The following XPO4 variants were observed in gnomAD, a reference collection of about 807,000 sequenced individuals.
XPO4 encodes the protein exportin-4.
Under a neutral mutation model 143.0 loss-of-function variants are expected in XPO4, and 39 were observed. The ratio of observed to expected loss-of-function variants is 0.27; its 90% CI spans 0.21 to 0.36. The LOEUF (loss-of-function observed/expected upper bound fraction) is 0.36, where lower values mean the gene tolerates loss of function less well. XPO4 is among the 10% of genes least tolerant of loss of function. XPO4 has a pLI of 1.00. For missense variants in XPO4, 907 were observed against 1,348.0 expected, an observed-to-expected ratio of 0.67 and a Z score of 5.12; for synonymous variants, 439 against 474.0, an observed-to-expected ratio of 0.93 and a Z score of 0.96.
chr13:20,827,043 C>T lies in XPO4; in HGVS notation c.840+24G>A, dbSNP rs906340871. The T allele has an allele frequency of 5.9e-6, 9 of 1,514,342 alleles. No individual in the cohort carries two copies. In the Admixed American group the frequency reaches 1.3e-4, roughly 22 times the overall value. 93.8% of individuals were successfully genotyped at this position (1,514,342 alleles called of 1,614,324 possible). On this transcript the variant is annotated intron_variant, in intron 7 of 22. Transcript: ENST00000255305. Reference sequence around the variant, plus strand: ...TTCCTCTTTTCTATGGCTCTTGCTACCAGAGATGAAGACTAAAACTTACTG... The same window carrying T: ...TTCCTCTTTTCTATGGCTCTTGCTATCAGAGATGAAGACTAAAACTTACTG...
chr13:20,796,190 C>A lies in XPO4; in HGVS notation c.2683G>T (p.Gly895Trp). The A allele has an allele frequency of 6.2e-7, 1 of 1,613,004 alleles. No homozygotes were observed. Among genetic ancestry groups the A allele is most frequent in the Non-Finnish European group, 8.5e-7 (1 of 1,179,848 alleles). ...GCTGTAACATCTATTCTTTGCCGCCCTAAATTATTCTTAGAATACACTTGC... is the reference window on the plus strand; with the variant it reads ...GCTGTAACATCTATTCTTTGCCGCCATAAATTATTCTTAGAATACACTTGC... ...LLQVYSKNNL[G>W]RQRIDVTAEE... Residue 895 changes from glycine (G) to tryptophan (W), a missense_variant, in exon 18 of 23, where the codon GGG becomes TGG. Physicochemically the swap from Gly to Trp is radical, Grantham distance 184. Transcript: ENST00000255305.
At chr13:20,888,239 G>C (rs560337599) in intron 1 of XPO4, among the ~76,000 whole-genome samples, 6 of 151,132 alleles carry the variant, frequency 4.0e-5, no homozygotes, top group South Asian at 2.1e-4. Context: ...ATGGAAGAGA[G>C]AGGCAATAAC....
rs1187753585 is a variant in XPO4, at chr13:20,780,873, A to T, written c.*2849T>A. On this transcript the variant is annotated 3_prime_UTR_variant, in exon 23 of 23. Coordinates refer to ENST00000255305, the MANE Select transcript of XPO4 (RefSeq NM_022459.5). ...AGCACAAGGACTATAAAAGCAAATC[A>T]ATCCTTTTAACAGAACAAGAACACA... 1 of 152,196 alleles carries T rather than the reference A, an allele frequency of 6.6e-6. No individual in the cohort carries two copies. The highest frequency in any genetic ancestry group is 2.4e-5 in the African/African-American group (1 of 41,446). The allele number at this position is 152,196 out of a possible 1,614,324, so 9.4% of individuals were successfully genotyped here. A position where few individuals can be genotyped will look rare whatever the true frequency, so the allele number is the denominator to read the frequency against.
At chr13:20,840,072 G>A (rs1346876950) in intron 6 of XPO4, among the ~76,000 whole-genome samples, 1 of 151,464 alleles carries the variant, frequency 6.6e-6, no homozygotes, top group Non-Finnish European at 1.5e-5. Context: ...TAATAAATGG[G>A]GGATTGTTAC....
chr13:20,818,280 A>C (rs966163245), intron 9 of XPO4, among the ~76,000 whole-genome samples: 1 of 152,206 alleles, frequency 6.6e-6, no homozygotes, highest in African/African-American at 2.4e-5. Context: ...TTGTGAACAC[A>C]GACTCTCAGT....
intron 14 of XPO4, 147 bp from the exon 15 acceptor site, chr13:20,800,472 G>A (rs566030600): frequency 1.4e-4 from 101 of 747,648 alleles, no homozygotes; most frequent in Admixed American, 3.8e-4. Context: ...ATTTCCACTG[G>A]TCAAAAAAAA....
intron 19 of XPO4, among the ~76,000 whole-genome samples, chr13:20,789,485 C>T (rs189728818): frequency 2.4e-4 from 37 of 151,332 alleles, no homozygotes; most frequent in African/African-American, 9.0e-4. Flanking sequence ...AGCTCCGCCT[C>T]CCGGGTTCAC....
intron 9 of XPO4, among the ~76,000 whole-genome samples, chr13:20,817,139 A>G (rs1176236137): frequency 6.6e-6 from 1 of 152,232 alleles, no homozygotes. Flanking sequence ...CTACACAGTT[A>G]CACTGTACGG....
At chr13:20,813,043 G>A (rs1308127597) in intron 9 of XPO4, among the ~76,000 whole-genome samples, 2 of 152,134 alleles carry the variant, frequency 1.3e-5, no homozygotes, top group African/African-American at 4.8e-5. Flanking sequence ...GGAGGCCTCA[G>A]GAAACTTACA....
chr13:20,902,357 G>A lies in XPO4; in HGVS notation c.69+313C>T, dbSNP rs993700798. ...GGGATAACCCCAACTCCTTCCCGGC[G>A]CCTTGCTCTGCGACCCAGTCTGTGG... On this transcript the variant is annotated intron_variant, in intron 1 of 22. Coordinates refer to ENST00000255305, the MANE Select transcript of XPO4 (RefSeq NM_022459.5). 3.0e-6 allele frequency: 3 copies of A among 985,256 alleles called. No homozygotes were observed. In the African/African-American group the frequency reaches 5.2e-5, roughly 17 times the overall value. 61.0% of individuals were successfully genotyped at this position (985,256 alleles called of 1,614,324 possible).
intron 7 of XPO4, among the ~76,000 whole-genome samples, chr13:20,826,354 C>T (rs2059785678): frequency 6.6e-6 from 1 of 152,192 alleles, no homozygotes; most frequent in East Asian, 1.9e-4. Context: ...AACCTACACT[C>T]TAGAATAGCA....
At chr13:20,798,236 A>G (rs893486292) in intron 16 of XPO4, among the ~76,000 whole-genome samples, 3 of 152,206 alleles carry the variant, frequency 2.0e-5, no homozygotes, top group East Asian at 1.9e-4. Context: ...TAACTGATAT[A>G]GAAAGGGGAA....
At chr13:20,861,777 C>CTCTTTTTTTTTTTTTTTTTTTTTTTTT (rs1370810623) in intron 3 of XPO4, among the ~76,000 whole-genome samples, 1 of 73,396 alleles carries the variant, frequency 1.4e-5, no homozygotes, top group African/African-American at 4.8e-5. Context: ...ACATTTCTCT[C>CTCTTTTTTTTTTTTTTTTTTTTTTTTT]TTTTTTTTTT....
chr13:20,786,743 G>A (rs1464724068), intron 22 of XPO4, among the ~76,000 whole-genome samples: 2 of 152,002 alleles, frequency 1.3e-5, no homozygotes, highest in African/African-American at 4.8e-5. Context: ...AATGGTGGAG[G>A]ACAAAAAATA....
chr13:20,784,502 G>A (rs1213971454), intron 22 of XPO4, among the ~76,000 whole-genome samples: 1 of 152,196 alleles, frequency 6.6e-6, no homozygotes, highest in East Asian at 1.9e-4. Flanking sequence ...GCAGCTCTTA[G>A]AGAAAGGGCA....
intron 9 of XPO4, among the ~76,000 whole-genome samples, chr13:20,819,527 G>A (rs887359931): frequency 8.5e-5 from 13 of 152,092 alleles, no homozygotes; most frequent in African/African-American, 2.9e-4. Context: ...GGGCGTGATG[G>A]CGCATGCCTG....
intron 6 of XPO4, among the ~76,000 whole-genome samples, chr13:20,840,981 G>C (rs1278948696): frequency 2.6e-5 from 4 of 152,150 alleles, no homozygotes; most frequent in African/African-American, 7.2e-5. Context: ...CTTTATCTAA[G>C]TACTTTATAA....
chr13:20,892,774 C>T (rs1303366903), intron 1 of XPO4, among the ~76,000 whole-genome samples: 2 of 151,870 alleles, frequency 1.3e-5, no homozygotes, highest in East Asian at 3.9e-4. Context: ...GTCCCACCTA[C>T]TCGGGAGGCT....
In XPO4 at chr13:20,886,504, C is replaced by T. The variant is rs536290027; in HGVS notation, c.69+16166G>A. 2.7e-3 allele frequency among the ~76,000 whole-genome samples: 404 copies of T among 151,552 alleles called. 2 individuals carry two copies. The highest frequency in any genetic ancestry group is 9.4e-3 in the African/African-American group (388 of 41,296). On this transcript the variant is annotated intron_variant, in intron 1 of 22. Transcript: ENST00000255305. ...ACTCATGCCTGTAATCCCAGTTACT[C>T]GGGAGGCTGAGGCAGGAGAATCCCT...
Sources: allele counts gnomAD v4.1 joint callset (sites outside exome capture counted in the v4.1 genomes callset), GRCh38; gene constraint gnomAD v4.1.1; transcripts MANE v1.5; gene names NCBI Gene and HGNC (gene_info 2026-07-23, HGNC 2026-07-21).